The following PWWP2A variants were observed in gnomAD, a reference collection of about 807,000 sequenced individuals.
PWWP2A encodes PWWP domain-containing protein 2A.
In PWWP2A, 18 loss-of-function variants were observed where a neutral mutation model predicts 48.5. That is an observed-to-expected ratio of 0.37 (90% CI 0.26 to 0.55). The LOEUF (loss-of-function observed/expected upper bound fraction) is 0.55, where lower values mean the gene tolerates loss of function less well. PWWP2A is among the 20% of genes least tolerant of loss of function. The pLI is 0.81. For missense variants in PWWP2A, 867 were observed against 976.4 expected (o/e 0.89, Z 1.49); for synonymous variants, 396 against 387.7 (o/e 1.02, Z -0.25).
chr5:160,051,114 T>G, the PWWP2A span: 1 of 1,566,590 alleles, frequency 6.4e-7, no homozygotes, highest in Non-Finnish European at 8.7e-7. Context: ...CCCTTGTTTC[T>G]CCTCTTTTCC....
intron 1 of PWWP2A, chr5:160,117,843 A>C (rs1405498198): frequency 1.0e-6 from 1 of 981,928 alleles, no homozygotes; most frequent in African/African-American, 1.7e-5. Context: ...AAGCCATTGC[A>C]AACAGGTGAG....
downstream of PWWP2A, among the ~76,000 whole-genome samples, chr5:160,059,933 C>A (rs1010208725): frequency 2.0e-5 from 3 of 152,200 alleles, no homozygotes; most frequent in African/African-American, 7.2e-5. Context: ...CACACATCTT[C>A]AATTTGTAAA....
In PWWP2A at chr5:160,119,166, G is replaced by C. The variant is rs1224812179; in HGVS notation, c.223C>G (p.Pro75Ala). The change falls in exon 1 of 2, where the codon CCG (proline) becomes GCG (alanine). Residue 75 changes from proline (P) to alanine (A), a missense_variant. By Grantham distance (27) the Pro-to-Ala change is conservative. Transcript: ENST00000307063. ...EPPLPPPPPP[P>A]GELARSPEAV... ...TCTGGGCTGCGGGCGAGCTCCCCCG[G>C]CGGCGGCGGTGGCGGCGGGAGCGGC... 2 of 1,526,324 alleles carry C rather than the reference G, an allele frequency of 1.3e-6. No individual in the cohort carries two copies. The highest frequency in any genetic ancestry group is 1.7e-6 in the Non-Finnish European group (2 of 1,152,948). The allele number at this position is 1,526,324 out of a possible 1,614,324, so 94.5% of individuals were successfully genotyped here.
At chr5:160,048,119 G>A in the PWWP2A span, among the ~76,000 whole-genome samples, 3 of 109,096 alleles carry the variant, frequency 2.7e-5, no homozygotes, top group African/African-American at 1.0e-4. Context: ...CTAGAGCCAA[G>A]ACATTGCTTT....
At position 160,077,533 on chromosome 5, in the gene PWWP2A, T is replaced by C. The variant is rs1223019651; in HGVS notation, c.*622A>G. ...ACATATATTCAAGATAATACAGCCC[T>C]GCTTTATTAAAGAAGGAAAAGATCC... On this transcript the variant is annotated 3_prime_UTR_variant, in exon 4 of 4. Transcript: ENST00000456329. The surrounding 1 kb of genome is among the most constrained non-coding windows in gnomAD (Gnocchi z 4.2). The C allele has an allele frequency of 6.6e-6, 1 of 152,320 alleles. No homozygotes were observed. The highest frequency in any genetic ancestry group is 1.5e-5 in the Non-Finnish European group (1 of 68,104). 9.4% of individuals were successfully genotyped at this position (152,320 alleles called of 1,614,324 possible).
At chr5:160,046,345 TTC>T in the PWWP2A span, among the ~76,000 whole-genome samples, 1 of 152,180 alleles carries the variant, frequency 6.6e-6, no homozygotes, top group Non-Finnish European at 1.5e-5. Context: ...TCCTTTAAAA[TTC>T]TCTCTCTTAA....
Position 160,092,827 on chromosome 5 carries a change from G to A in PWWP2A, c.1823C>T (p.Pro608Leu), listed in dbSNP as rs1399756519. The A allele has an allele frequency of 6.4e-7, 1 of 1,551,644 alleles. No individual in the cohort carries two copies. The highest frequency in any genetic ancestry group is 1.4e-5 in the African/African-American group (1 of 73,146). Residue 608 changes from proline (P) to leucine (L), a missense_variant, in exon 2 of 2, where the codon CCA (proline) becomes CTA (leucine). Transcript: ENST00000307063. ...GGTGGAAGGTGCATGCATACTGCCT[G>A]GAGGAAAATCAAAGCTTTCAGAAGA... ...CSSSESFDFP[P>L]GSMHAPSTSS...
At chr5:160,115,202 G>C (rs79827709) in intron 1 of PWWP2A, among the ~76,000 whole-genome samples, 5,750 of 145,700 alleles carry the variant, frequency 0.039, 155 homozygotes, top group Non-Finnish European at 0.061. Context: ...TTCCAGCCTA[G>C]TCTCTGAAAC....
intron 4 of PWWP2A, chr5:160,065,425 GC>G: frequency 2.1e-6 from 1 of 469,466 alleles, no homozygotes; most frequent in Admixed American, 2.3e-5. Context: ...TTGGGAGACT[GC>G]CCAGACATGA....
intron 1 of PWWP2A, among the ~76,000 whole-genome samples, chr5:160,102,903 T>C (rs1225717704): frequency 6.6e-6 from 1 of 152,200 alleles, no homozygotes; most frequent in African/African-American, 2.4e-5. Context: ...AATCATTTAC[T>C]AGAGAATAAA....
intron 4 of PWWP2A, chr5:160,063,705 G>A (rs1410043604): frequency 6.6e-6 from 1 of 152,156 alleles, no homozygotes; most frequent in Non-Finnish European, 1.5e-5. Context: ...TTTAGAAAGG[G>A]TTGAAACTGT....
At chr5:160,115,975 A>G (rs947620872) in intron 1 of PWWP2A, among the ~76,000 whole-genome samples, 1 of 145,820 alleles carries the variant, frequency 6.9e-6, no homozygotes, top group Non-Finnish European at 1.5e-5. Context: ...ATTAAACTGT[A>G]AAAAAAAAAA....
the PWWP2A span, among the ~76,000 whole-genome samples, chr5:160,052,428 A>G: frequency 6.6e-6 from 1 of 151,870 alleles, no homozygotes; most frequent in Non-Finnish European, 1.5e-5. Flanking sequence ...TAGAGGCTGC[A>G]GTGAGCTATG....
chr5:160,066,937 G>A (rs1753625945), intron 2 of PWWP2A: 1 of 152,096 alleles, frequency 6.6e-6, no homozygotes, highest in South Asian at 2.1e-4. Context: ...TTGGGAGGCT[G>A]AGGCAGGAGG....
chr5:160,054,325 A>G, the PWWP2A span, among the ~76,000 whole-genome samples: 1 of 152,240 alleles, frequency 6.6e-6, no homozygotes, highest in Non-Finnish European at 1.5e-5. Context: ...TAGCTGGGAA[A>G]AAAGTTGGCT....
chr5:160,052,315 G>A, the PWWP2A span, among the ~76,000 whole-genome samples: 2 of 151,970 alleles, frequency 1.3e-5, no homozygotes, highest in Non-Finnish European at 2.9e-5. Flanking sequence ...GCCAGCCTAG[G>A]CAACATGGTG....
intron 1 of PWWP2A, among the ~76,000 whole-genome samples, chr5:160,106,990 AT>A (rs1405911663): frequency 6.6e-6 from 1 of 151,582 alleles, no homozygotes; most frequent in Non-Finnish European, 1.5e-5. Context: ...CGCTCAACTA[AT>A]TTTTTTGTAT....
chr5:160,086,490 T>G (rs1278121461), downstream of PWWP2A, among the ~76,000 whole-genome samples: 2 of 152,170 alleles, frequency 1.3e-5, no homozygotes, highest in Non-Finnish European at 2.9e-5. Flanking sequence ...ACAGTCTAGC[T>G]TGGGCGAGAC....
At chr5:160,072,438 A>G (rs138090217), downstream of PWWP2A, among the ~76,000 whole-genome samples, 35 of 152,346 alleles carry the variant, frequency 2.3e-4, no homozygotes, top group African/African-American at 7.9e-4. Context: ...TTCAAGGGGC[A>G]GTTTATGAGC....
Sources: gnomAD v4.1 joint callset for allele counts (sites outside exome capture counted in the v4.1 genomes callset) on GRCh38, gnomAD v4.1.1 for gene constraint, Gnocchi (gnomAD v3.1) non-coding constraint, MANE v1.5 for transcripts, NCBI Gene and HGNC (gene_info 2026-07-23, HGNC 2026-07-21) for gene names.